The following PARD3 variants were observed in gnomAD, a reference collection of about 807,000 sequenced individuals.
PARD3 encodes partitioning defective 3 homolog.
A neutral mutation model predicts 155.4 loss-of-function variants in PARD3; 75 were observed. The observed-to-expected ratio is 0.48, with a 90% CI of 0.40 to 0.58. The LOEUF (loss-of-function observed/expected upper bound fraction) is 0.58, where lower values mean the gene tolerates loss of function less well. Ranked by LOEUF, PARD3 falls within the 20% of genes least tolerant of loss-of-function variation. The pLI is 0.00. For synonymous variants in PARD3, 576 were observed against 610.5 expected, an observed-to-expected ratio of 0.94 and a Z score of 0.83; for missense variants, 1,642 against 1,721.7, an observed-to-expected ratio of 0.95 and a Z score of 0.82.
At chr10:34,393,349 G>C (rs1009614403) in intron 7 of PARD3, among the ~76,000 whole-genome samples, 2 of 152,006 alleles carry the variant, frequency 1.3e-5, no homozygotes, top group African/African-American at 2.4e-5. Context: ...GGAGGACAAA[G>C]CTGGCAGATC....
At chr10:34,588,009 A>C (rs2088265865) in intron 2 of PARD3, among the ~76,000 whole-genome samples, 1 of 152,144 alleles carries the variant, frequency 6.6e-6, no homozygotes, top group African/African-American at 2.4e-5. Context: ...TGCATTACTA[A>C]GATGAAGCAG....
chr10:34,135,256 A>G (rs1947831010), intron 22 of PARD3, among the ~76,000 whole-genome samples: 1 of 152,318 alleles, frequency 6.6e-6, no homozygotes. Context: ...TTAGTCCAAT[A>G]CCAACACTCA....
At chr10:34,324,657 G>A (rs1236211635) in intron 19 of PARD3, among the ~76,000 whole-genome samples, 1 of 152,164 alleles carries the variant, frequency 6.6e-6, no homozygotes, top group Non-Finnish European at 1.5e-5. Flanking sequence ...CAAGTAAGGG[G>A]TGAGATTAGA....
At chr10:34,189,629 A>G (rs1950620840) in intron 22 of PARD3, among the ~76,000 whole-genome samples, 1 of 152,224 alleles carries the variant, frequency 6.6e-6, no homozygotes, top group South Asian at 2.1e-4. Flanking sequence ...CTGTTATGAG[A>G]AGGCAAGTAC....
chr10:34,295,597 C>T (rs139324821), intron 20 of PARD3, among the ~76,000 whole-genome samples: 56 of 152,270 alleles, frequency 3.7e-4, no homozygotes, highest in Non-Finnish European at 6.8e-4. Context: ...GTCTCATTTT[C>T]TGAGTCTCCT....
At chr10:34,475,318 C>CATCT (rs1353444410) in intron 3 of PARD3, among the ~76,000 whole-genome samples, 2 of 152,258 alleles carry the variant, frequency 1.3e-5, no homozygotes, top group Admixed American at 6.5e-5. Flanking sequence ...TAATAGAAGA[C>CATCT]ATCTGGATTC....
chr10:34,529,236 A>G (rs2082675380), intron 2 of PARD3, among the ~76,000 whole-genome samples: 1 of 152,208 alleles, frequency 6.6e-6, no homozygotes, highest in Admixed American at 6.5e-5. Flanking sequence ...CGGATCACCC[A>G]TGGAAATCAG....
chr10:34,297,401 A>C (rs1956957393), intron 20 of PARD3, among the ~76,000 whole-genome samples: 1 of 152,240 alleles, frequency 6.6e-6, no homozygotes, highest in African/African-American at 2.4e-5. Flanking sequence ...AATTATAATA[A>C]AACTACTGTA....
At chr10:34,789,452 CTT>C (rs1195931044) in intron 1 of PARD3, among the ~76,000 whole-genome samples, 3 of 152,202 alleles carry the variant, frequency 2.0e-5, no homozygotes, top group Admixed American at 6.5e-5. Flanking sequence ...AATCGAAACA[CTT>C]TGGCTGGCCA....
chr10:34,272,284 A>G (rs1277454252), intron 21 of PARD3, among the ~76,000 whole-genome samples: 2 of 152,232 alleles, frequency 1.3e-5, no homozygotes, highest in Non-Finnish European at 2.9e-5. Context: ...ACCATTATCC[A>G]TAAAACTTTA....
chr10:34,111,320 G>C lies in PARD3; in HGVS notation c.3911C>G (p.Pro1304Arg). 3 of 1,613,966 alleles carry C rather than the reference G, an allele frequency of 1.9e-6. No individual in the cohort carries two copies. The highest frequency in any genetic ancestry group is 8.5e-7 in the Non-Finnish European group (1 of 1,179,884). The stretch of plus-strand genomic sequence containing the variant: ...TTTCTTATACGAGTCATAGTTGCTG[G>C]GCCCCTCGGAAGGAGGCTGCTTCTT... Reference protein sequence around the residue: ...QMKKQPPSEGPSNYDSYKKVQ... With the variant: ...QMKKQPPSEGRSNYDSYKKVQ... The change falls in exon 25 of 25, where the codon CCC becomes CGC. Residue 1304 changes from proline (P) to arginine (R), a missense_variant. Physicochemically the swap from Pro to Arg is moderately radical, Grantham distance 103. Coordinates refer to ENST00000374788, the MANE Select transcript of PARD3 (RefSeq NM_001184785.2).
rs71903377 is a variant in PARD3, at chr10:34,639,418, GA to G, written c.222+56899del. ...AATAAAATACATAGGAAAACACAAGGAAAAAAAACACGTTTTTAAACAAACA... is the reference window on the plus strand; with the variant it reads ...AATAAAATACATAGGAAAACACAAGGAAAAAAACACGTTTTTAAACAAACA... On this transcript the variant is annotated intron_variant, in intron 2 of 24. Coordinates refer to ENST00000374788, the MANE Select transcript of PARD3 (RefSeq NM_001184785.2). 1.7e-3 allele frequency among the ~76,000 whole-genome samples: 261 copies of G among 151,756 alleles called. 1 individual carries two copies. The highest frequency in any genetic ancestry group is 2.8e-3 in the Non-Finnish European group (187 of 67,880).
intron 22 of PARD3, among the ~76,000 whole-genome samples, chr10:34,163,802 T>C (rs1949395694): frequency 6.6e-6 from 1 of 152,062 alleles, no homozygotes; most frequent in South Asian, 2.1e-4. Context: ...AGAATGAGAA[T>C]CCAGGATGTT....
intron 5 of PARD3, among the ~76,000 whole-genome samples, chr10:34,428,550 C>T (rs1251984556): frequency 6.6e-6 from 1 of 152,132 alleles, no homozygotes; most frequent in Non-Finnish European, 1.5e-5. Flanking sequence ...ATTTAGAAAA[C>T]TCATTTATAT....
At chr10:34,206,751 A>G (rs1192275328) in intron 22 of PARD3, among the ~76,000 whole-genome samples, 2 of 152,190 alleles carry the variant, frequency 1.3e-5, no homozygotes, top group Non-Finnish European at 2.9e-5. Context: ...GCTGCCATGG[A>G]AAGCAGTGGA....
intron 1 of PARD3, among the ~76,000 whole-genome samples, chr10:34,774,457 T>C (rs1440145220): frequency 6.6e-6 from 1 of 152,222 alleles, no homozygotes; most frequent in Non-Finnish European, 1.5e-5. Context: ...TGGAAGGGAT[T>C]GCTGTTTCTA....
At chr10:34,546,456 G>T (rs1245456504) in intron 2 of PARD3, among the ~76,000 whole-genome samples, 1 of 151,790 alleles carries the variant, frequency 6.6e-6, no homozygotes, top group African/African-American at 2.4e-5. Flanking sequence ...GGCAGAGGTT[G>T]CAGCGAGCCG....
chr10:34,126,846 C>T (rs1252148280), intron 23 of PARD3, among the ~76,000 whole-genome samples: 1 of 149,720 alleles, frequency 6.7e-6, no homozygotes, highest in African/African-American at 2.5e-5. Context: ...AAAAGGTCAA[C>T]TTGTGACCCA....
At chr10:34,346,302 G>C in intron 15 of PARD3, 1 of 1,249,046 alleles carries the variant, frequency 8.0e-7, no homozygotes, top group South Asian at 1.4e-5. Flanking sequence ...ATTTCAAAAG[G>C]TCACTAGCTG....
Sources: allele counts gnomAD v4.1 joint callset (sites outside exome capture counted in the v4.1 genomes callset), GRCh38; gene constraint gnomAD v4.1.1; transcripts MANE v1.5; gene names NCBI Gene and HGNC (gene_info 2026-07-23, HGNC 2026-07-21).